The following MRE11 variants were observed in gnomAD, a reference collection of about 807,000 sequenced individuals.
The protein encoded by MRE11 is MRE11 double strand break repair nuclease, also known as double-strand break repair protein MRE11.
Under a neutral mutation model 91.7 loss-of-function variants are expected in MRE11, and 62 were observed. The observed-to-expected ratio is 0.68, with a 90% confidence interval of 0.55 to 0.84. The LOEUF is 0.84. Ranked by LOEUF, MRE11 falls within the 40% of genes least tolerant of loss-of-function variation. The pLI is 0.00. For synonymous variants in MRE11, 273 were observed against 271.4 expected (o/e 1.01, Z -0.06); for missense variants, 796 against 852.9 (o/e 0.93, Z 0.83).
intron 14 of MRE11, among the ~76,000 whole-genome samples, chr11:94,453,616 G>A (rs1946171967): frequency 6.6e-6 from 1 of 152,120 alleles, no homozygotes; most frequent in African/African-American, 2.4e-5. Flanking sequence ...AAGCTTCTTT[G>A]GAGAAATGTC....
At chr11:94,487,556 AAT>A (rs1201064726) in intron 3 of MRE11, among the ~76,000 whole-genome samples, 1 of 152,234 alleles carries the variant, frequency 6.6e-6, no homozygotes, top group African/African-American at 2.4e-5. Flanking sequence ...AACTAAATGC[AAT>A]ATGTAAACCT....
chr11:94,431,115 A>T (rs1945452986), intron 18 of MRE11, among the ~76,000 whole-genome samples: 1 of 152,176 alleles, frequency 6.6e-6, no homozygotes, highest in Non-Finnish European at 1.5e-5. Context: ...ATGCTTTGGG[A>T]TGTCATTATA....
chr11:94,440,430 T>TAAAAAAAA (rs34587826), intron 16 of MRE11, among the ~76,000 whole-genome samples: 1 of 145,578 alleles, frequency 6.9e-6, no homozygotes, highest in Non-Finnish European at 1.5e-5. Context: ...CTCAAACATT[T>TAAAAAAAA]AAAAAAAAAA....
At chr11:94,464,624 T>C (rs898805912) in intron 10 of MRE11, among the ~76,000 whole-genome samples, 27 of 152,300 alleles carry the variant, frequency 1.8e-4, no homozygotes, top group African/African-American at 6.3e-4. Context: ...TAGCCTTAAA[T>C]GCATTAGTAA....
chr11:94,483,342 T>C (rs1947058350), intron 4 of MRE11, among the ~76,000 whole-genome samples: 1 of 152,166 alleles, frequency 6.6e-6, no homozygotes, highest in Non-Finnish European at 1.5e-5. Flanking sequence ...TGGTGGCTGA[T>C]ATGCTTTGAC....
At chr11:94,446,604 G>C (rs543796946) in intron 15 of MRE11, among the ~76,000 whole-genome samples, 1 of 152,120 alleles carries the variant, frequency 6.6e-6, no homozygotes, top group Admixed American at 6.5e-5. Context: ...AAAATCTTTA[G>C]AGATGAACTG....
intron 9 of MRE11, among the ~76,000 whole-genome samples, chr11:94,468,514 A>C (rs1163679148): frequency 6.6e-6 from 1 of 152,208 alleles, no homozygotes; most frequent in East Asian, 1.9e-4. Flanking sequence ...CCAGATGGCC[A>C]ACTTCATAGC....
At chr11:94,469,435 C>T (rs1345871805) in intron 9 of MRE11, among the ~76,000 whole-genome samples, 1 of 152,150 alleles carries the variant, frequency 6.6e-6, no homozygotes. Context: ...AAACCCAGGT[C>T]TGACTCCAGG....
intron 4 of MRE11, among the ~76,000 whole-genome samples, chr11:94,484,764 G>C (rs1565237912): frequency 6.6e-6 from 1 of 152,166 alleles, no homozygotes; most frequent in Admixed American, 6.5e-5. Flanking sequence ...GAAAGCAGGA[G>C]AAAATACCAA....
chr11:94,430,167 T>C (rs930551830), intron 18 of MRE11, among the ~76,000 whole-genome samples, 181 bp from the exon 19 acceptor site: 1 of 152,204 alleles, frequency 6.6e-6, no homozygotes, highest in Non-Finnish European at 1.5e-5. Context: ...GGGCCGAGGT[T>C]TGAACTCTGG....
chr11:94,479,503 T>C (rs184005442), intron 5 of MRE11, among the ~76,000 whole-genome samples, 171 bp downstream of exon 5: 2 of 152,310 alleles, frequency 1.3e-5, no homozygotes, highest in African/African-American at 2.4e-5. Context: ...TTATTTCAGA[T>C]TTTTAAAAAA....
the MRE11 span, chr11:94,512,401 G>A: frequency 2.8e-6 from 3 of 1,068,200 alleles, no homozygotes; most frequent in Non-Finnish European, 3.6e-6. Context: ...CTAGGGCCTC[G>A]GAAGGCCGGC....
intron 19 of MRE11, among the ~76,000 whole-genome samples, chr11:94,425,054 AC>A (rs1945274832): frequency 6.6e-6 from 1 of 152,146 alleles, no homozygotes; most frequent in Admixed American, 6.5e-5. Flanking sequence ...CATGAGATTC[AC>A]CAAGGTCAAC....
chr11:94,425,857 G>C (rs1033209926), intron 19 of MRE11, among the ~76,000 whole-genome samples: 2 of 152,134 alleles, frequency 1.3e-5, no homozygotes, highest in African/African-American at 4.8e-5. Context: ...CCTAAAAAAA[G>C]ACTCAGACAG....
chr11:94,490,879 G>A lies in MRE11; in HGVS notation c.107C>T (p.Thr36Met), dbSNP rs768676557. 12 of 1,612,654 alleles carry A rather than the reference G, an allele frequency of 7.4e-6. No homozygotes were observed. The highest frequency in any genetic ancestry group is 6.7e-5 in the African/African-American group (5 of 74,848). The change falls in exon 3 of 20, where the codon ACG becomes ATG. Residue 36 changes from threonine to methionine, a missense_variant. By Grantham distance (81) the Thr-to-Met change is moderately conservative. Coordinates refer to ENST00000323929, the MANE Select transcript of MRE11 (RefSeq NM_005591.4). ...MEKDAVRGND[T>M]FVTLDEILRL... ...TAAAATTTCATCGAGTGTTACAAAC[G>A]TATCATTTCCTCTGACTGCATCTTT... is the stretch of plus-strand genomic sequence containing the variant.
At chr11:94,432,223 C>T (rs1192090085) in intron 18 of MRE11, among the ~76,000 whole-genome samples, 1 of 152,184 alleles carries the variant, frequency 6.6e-6, no homozygotes, top group Non-Finnish European at 1.5e-5. Flanking sequence ...AAATAAGTCC[C>T]TCCACTACTT....
chr11:94,486,998 G>A (rs1403137783), intron 3 of MRE11, among the ~76,000 whole-genome samples: 1 of 152,160 alleles, frequency 6.6e-6, no homozygotes, highest in African/African-American at 2.4e-5. Context: ...ATAAAAATGT[G>A]AGGTTTAAGC....
the MRE11 span, among the ~76,000 whole-genome samples, chr11:94,510,068 A>G: frequency 6.6e-6 from 1 of 152,182 alleles, no homozygotes; most frequent in Non-Finnish European, 1.5e-5. Context: ...GCAAGAGGTT[A>G]GACAGAACTG....
chr11:94,500,453 A>G, the MRE11 span, among the ~76,000 whole-genome samples: 2 of 152,228 alleles, frequency 1.3e-5, no homozygotes, highest in South Asian at 4.1e-4. Flanking sequence ...CACAGAAGGC[A>G]GTCACTAATC....
Sources: allele counts gnomAD v4.1 joint callset (sites outside exome capture counted in the v4.1 genomes callset), GRCh38; gene constraint gnomAD v4.1.1; transcripts MANE v1.5; gene names NCBI Gene and HGNC (gene_info 2026-07-23, HGNC 2026-07-21).